Variants in DNAAF4 observed in about 807,000 individuals in gnomAD.
DNAAF4 encodes the protein dynein assembly factor 4, axonemal.
In DNAAF4, 43 loss-of-function variants were observed where a neutral mutation model predicts 51.8. The observed-to-expected ratio is 0.83, with a 90% CI of 0.65 to 1.07. The LOEUF is 1.07. Among genes scored for constraint, DNAAF4 ranks in the 50% least tolerant of loss-of-function variants. DNAAF4 has a pLI of 0.00. For missense variants in DNAAF4, 581 were observed against 493.0 expected (o/e 1.18, Z -1.69); for synonymous variants, 194 against 165.6 (o/e 1.17, Z -1.32).
chr15:55,434,822 C>A, intron 8 of DNAAF4, 83 bp downstream of exon 8: 1 of 1,140,020 alleles, frequency 8.8e-7, no homozygotes. Context: ...ATTATTTCAA[C>A]TGAACAGAAA....
intron 7 of DNAAF4, among the ~76,000 whole-genome samples, chr15:55,438,222 G>T: frequency 6.6e-6 from 1 of 151,862 alleles, no homozygotes. Context: ...GTGGTGGCAG[G>T]CGCCTGTAAT....
At chr15:55,451,244 T>A (rs149043438) in intron 5 of DNAAF4, among the ~76,000 whole-genome samples, 9 of 152,372 alleles carry the variant, frequency 5.9e-5, no homozygotes, top group Non-Finnish European at 1.3e-4. Context: ...GATGGCCTTG[T>A]AGAACACAGT....
In DNAAF4 at chr15:55,491,247, T is replaced by A; in HGVS notation, c.281A>T (p.Glu94Val). ...TTTTTCTCTAATTCTTTGCATCATC[T>A]CTTTGTCAACTAAAATGTACAGAAT... ...ETLSVTGVDK[E>V]MMQRIREKSI... is the part of the protein sequence containing the mutation. The change falls in exon 4 of 10, where the codon GAG becomes GTG. Residue 94 changes from glutamate (E) to valine (V), a missense_variant. By Grantham distance (121) the Glu-to-Val change is moderately radical. Transcript: ENST00000321149. 6.2e-7 allele frequency: 1 copy of A among 1,612,286 alleles called. No homozygotes were observed.
intron 6 of DNAAF4, among the ~76,000 whole-genome samples, chr15:55,447,842 G>T (rs1302378805): frequency 8.2e-6 from 1 of 121,584 alleles, no homozygotes; most frequent in Non-Finnish European, 1.8e-5. Flanking sequence ...AGGGGAGAGG[G>T]GAGAGGGCAG....
intron 6 of DNAAF4, 29 bp from the exon 7 acceptor site, chr15:55,439,610 A>C: frequency 6.4e-7 from 1 of 1,572,592 alleles, no homozygotes; most frequent in Non-Finnish European, 8.7e-7. Flanking sequence ...CTTATGAAGA[A>C]TAAAAAGGTC....
At chr15:55,490,181 G>T (rs974726164) in intron 4 of DNAAF4, among the ~76,000 whole-genome samples, 3 of 151,942 alleles carry the variant, frequency 2.0e-5, no homozygotes, top group African/African-American at 7.3e-5. Flanking sequence ...CCTGAGATAA[G>T]AATTTTTTTG....
chr15:55,497,973 C>A, intron 2 of DNAAF4, 114 bp from the exon 3 acceptor site: 1 of 1,413,702 alleles, frequency 7.1e-7, no homozygotes, highest in Non-Finnish European at 9.5e-7. Flanking sequence ...AAATTTATGC[C>A]AGGTAGTGAA....
chr15:55,464,820 T>G (rs2058144861), intron 5 of DNAAF4, among the ~76,000 whole-genome samples: 1 of 152,144 alleles, frequency 6.6e-6, no homozygotes, highest in Non-Finnish European at 1.5e-5. Flanking sequence ...CCAGGCATGG[T>G]GGTACATGCC....
At chr15:55,418,073 TATG>T (rs1187681592) in exon 8 of DNAAF4, 1 of 1,529,542 alleles carries the variant, frequency 6.5e-7, no homozygotes, top group African/African-American at 1.4e-5. Flanking sequence ...TCACTAGGGA[TATG>T]ATGGCTTAGC....
intron 4 of DNAAF4, among the ~76,000 whole-genome samples, chr15:55,478,980 C>A (rs1264344193): frequency 6.6e-6 from 1 of 151,990 alleles, no homozygotes; most frequent in Non-Finnish European, 1.5e-5. Context: ...ACCCAGACTG[C>A]ATCATTTAGA....
At chr15:55,455,505 C>T (rs562210593) in intron 5 of DNAAF4, among the ~76,000 whole-genome samples, 180 of 151,692 alleles carry the variant, frequency 1.2e-3, no homozygotes, top group African/African-American at 4.2e-3. Context: ...GATCTTGGCT[C>T]ACTGCAGCCT....
intron 4 of DNAAF4, among the ~76,000 whole-genome samples, chr15:55,481,567 G>A (rs2058410860): frequency 6.6e-6 from 1 of 152,182 alleles, no homozygotes; most frequent in African/African-American, 2.4e-5. Flanking sequence ...TAGCCTTCAA[G>A]AAGTCACCCT....
At chr15:55,469,043 T>C (rs528239471) in intron 4 of DNAAF4, among the ~76,000 whole-genome samples, 21 of 152,150 alleles carry the variant, frequency 1.4e-4, no homozygotes, top group South Asian at 1.0e-3. Flanking sequence ...AAACAGAGTG[T>C]ACAGTGACCG....
intron 7 of DNAAF4, chr15:55,418,344 C>G (rs2057355884): frequency 6.5e-7 from 1 of 1,540,430 alleles, no homozygotes; most frequent in Non-Finnish European, 8.8e-7. Context: ...ACACTCCAGA[C>G]AGCCACCTCA....
At chr15:55,427,641 C>CT (rs796446185), downstream of DNAAF4, among the ~76,000 whole-genome samples, 158 of 145,162 alleles carry the variant, frequency 1.1e-3, 1 homozygote, top group East Asian at 0.017. Context: ...AGTATGACTT[C>CT]TTTTTTTTTT....
At chr15:55,491,718 T>C (rs2058575616) in intron 3 of DNAAF4, among the ~76,000 whole-genome samples, 1 of 139,492 alleles carries the variant, frequency 7.2e-6, no homozygotes, top group African/African-American at 2.6e-5. Flanking sequence ...TATTATTATA[T>C]AATAGTATAT....
intron 1 of DNAAF4, among the ~76,000 whole-genome samples, chr15:55,507,409 G>A (rs2058732600): frequency 6.6e-6 from 1 of 152,078 alleles, no homozygotes; most frequent in Non-Finnish European, 1.5e-5. Flanking sequence ...AACATAATAA[G>A]GTGTAATAAA....
At chr15:55,491,676 ATAT>A (rs200931715) in intron 3 of DNAAF4, among the ~76,000 whole-genome samples, 11,165 of 141,886 alleles carry the variant, frequency 0.079, 555 homozygotes, top group African/African-American at 0.11. Flanking sequence ...ATTATAGATA[ATAT>A]TATATTATTA....
intron 5 of DNAAF4, among the ~76,000 whole-genome samples, chr15:55,453,890 A>T (rs1378103557): frequency 3.3e-5 from 5 of 152,302 alleles, no homozygotes; most frequent in African/African-American, 1.2e-4. Context: ...TGTCACTGAA[A>T]TTAAAAACAT....
Sources: gnomAD v4.1 joint callset for allele counts (sites outside exome capture counted in the v4.1 genomes callset) on GRCh38, gnomAD v4.1.1 for gene constraint, MANE v1.5 for transcripts, NCBI Gene and HGNC (gene_info 2026-07-23, HGNC 2026-07-21) for gene names.